The following PCDHA1 variants were observed in gnomAD, a reference collection of about 807,000 sequenced individuals.
The protein encoded by PCDHA1 is protocadherin alpha 1.
Under a neutral mutation model 61.3 loss-of-function variants are expected in PCDHA1, and 42 were observed. That is an observed-to-expected ratio of 0.69 (90% CI 0.54 to 0.89). The LOEUF (loss-of-function observed/expected upper bound fraction) is 0.89, where lower values mean the gene tolerates loss of function less well. Among genes scored for constraint, PCDHA1 ranks in the 40% least tolerant of loss-of-function variants. PCDHA1 has a pLI of 0.00. For missense variants in PCDHA1, 1,256 were observed against 1,235.3 expected, an observed-to-expected ratio of 1.02 and a Z score of -0.25; for synonymous variants, 610 against 553.8, an observed-to-expected ratio of 1.10 and a Z score of -1.43.
chr5:140,869,511 A>T (rs1160788033), intron 1 of PCDHA1: 4 of 1,614,076 alleles, frequency 2.5e-6, no homozygotes, highest in Non-Finnish European at 2.5e-6. Context: ...TCTCGCTCAG[A>T]GAACAAAAGC....
intron 1 of PCDHA1, chr5:140,795,816 T>C: frequency 1.9e-6 from 3 of 1,613,268 alleles, no homozygotes; most frequent in Non-Finnish European, 2.5e-6. Context: ...TCGGTAGTGA[T>C]GTGTCCTCCA....
At chr5:140,870,981 C>T (rs372420484) in intron 1 of PCDHA1, 72 of 1,613,472 alleles carry the variant, frequency 4.5e-5, no homozygotes, top group Non-Finnish European at 5.9e-5. Context: ...TGGGGCTGTA[C>T]ACGGGCGAGA....
intron 1 of PCDHA1, among the ~76,000 whole-genome samples, chr5:140,975,937 A>C (rs2096690423): frequency 1.3e-5 from 2 of 152,194 alleles, no homozygotes; most frequent in South Asian, 2.1e-4. Context: ...CTTTGAAGCA[A>C]TAGGACATAT....
At chr5:140,980,858 A>T (rs2096908934) in intron 2 of PCDHA1, among the ~76,000 whole-genome samples, 2 of 152,162 alleles carry the variant, frequency 1.3e-5, no homozygotes, top group Admixed American at 1.3e-4. Flanking sequence ...TCTTTTTCGT[A>T]TGTGTGCTTG....
chr5:141,009,584 A>G, intron 3 of PCDHA1, 43 bp from the exon 4 acceptor site: 1 of 1,592,004 alleles, frequency 6.3e-7, no homozygotes, highest in Non-Finnish European at 8.6e-7. Context: ...CATCAAGAGC[A>G]TGTGTTGACC....
intron 1 of PCDHA1, chr5:140,827,840 A>C: frequency 2.2e-6 from 1 of 457,334 alleles, no homozygotes; most frequent in Non-Finnish European, 3.8e-6. Flanking sequence ...AGAAAAGAAG[A>C]TACTGTTTTA....
intron 1 of PCDHA1, chr5:140,803,088 A>T: frequency 6.2e-7 from 1 of 1,613,866 alleles, no homozygotes; most frequent in Non-Finnish European, 8.5e-7. Flanking sequence ...CACGGGAGAG[A>T]TCAGCACGAC....
intron 1 of PCDHA1, chr5:140,848,493 G>A (rs2150411274): frequency 7.0e-6 from 11 of 1,576,596 alleles, no homozygotes; most frequent in Middle Eastern, 3.4e-4. Context: ...CTGAGTATTT[G>A]AAATGTTATA....
chr5:140,842,977 G>A (rs2150349031), intron 1 of PCDHA1: 2 of 1,595,034 alleles, frequency 1.3e-6, no homozygotes, highest in East Asian at 2.2e-5. Flanking sequence ...TGACGCTGCA[G>A]GTGTTCGTGC....
intron 1 of PCDHA1, chr5:140,822,002 T>A (rs2150112881): frequency 6.2e-7 from 1 of 1,614,048 alleles, no homozygotes; most frequent in Non-Finnish European, 8.5e-7. Context: ...CTTCTGGAGG[T>A]AAATCTGCAG....
At chr5:140,943,761 A>T (rs1219179710) in intron 1 of PCDHA1, among the ~76,000 whole-genome samples, 1 of 152,248 alleles carries the variant, frequency 6.6e-6, no homozygotes, top group Non-Finnish European at 1.5e-5. Context: ...TAGGAGATGT[A>T]GGAAAAAAAC....
At chr5:140,829,347 C>T in intron 1 of PCDHA1, 5 of 1,614,232 alleles carry the variant, frequency 3.1e-6, no homozygotes, top group Non-Finnish European at 4.2e-6. Flanking sequence ...GAGAGCGTGT[C>T]GGCCTATGAG....
chr5:140,974,182 A>G (rs2096618692), intron 1 of PCDHA1, among the ~76,000 whole-genome samples: 1 of 152,248 alleles, frequency 6.6e-6, no homozygotes, highest in Non-Finnish European at 1.5e-5. Context: ...AACTTGACAA[A>G]TGCAAAGGAA....
intron 1 of PCDHA1, chr5:140,857,957 G>T (rs2045052132): frequency 6.3e-7 from 1 of 1,597,294 alleles, no homozygotes; most frequent in African/African-American, 1.3e-5. Flanking sequence ...GCGCGCTCTG[G>T]ATGAGACTGA....
rs377533105 is a variant in PCDHA1 at position 140,787,450 on chromosome 5, G to A, written c.1160G>A (p.Cys387Tyr). The change falls in exon 1 of 4, where the codon TGC becomes TAC. Residue 387 changes from cysteine (C) to tyrosine (Y), a missense_variant. Transcript: ENST00000504120. ...TCAGGTGCCAACGGGCAGGTGACTT[G>A]CTCCTTAATGCCCCACGTCCCCTTC... is the stretch of plus-strand genomic sequence containing the variant. ...RDSGANGQVTCSLMPHVPFKL... is the reference protein window; with the variant it reads ...RDSGANGQVTYSLMPHVPFKL... 26 of 1,614,220 alleles carry A rather than the reference G, an allele frequency of 1.6e-5. No homozygotes were observed. In the African/African-American group the frequency reaches 2.9e-4, roughly 18 times the overall value.
At position 140,822,813 on chromosome 5, in the gene PCDHA1, C is replaced by A. The variant is rs1360535940; in HGVS notation, c.2394+34129C>A. 8 of 1,613,942 alleles carry A rather than the reference C, an allele frequency of 5.0e-6. No individual in the cohort carries two copies. The Middle Eastern group carries it at 4.9e-4, about 99-fold the overall frequency. On this transcript the variant is annotated intron_variant, in intron 1 of 3. Transcript: ENST00000504120. ...AACTCCTGGATGTGAATGATAATAC[C>A]CCAGAGATGGCCATAACCACCCTTT...
chr5:140,861,729 C>T (rs947423551), intron 1 of PCDHA1: 5 of 192,220 alleles, frequency 2.6e-5, no homozygotes, highest in Non-Finnish European at 5.3e-5. Context: ...GCTCTGATGA[C>T]TTACATACTG....
intron 1 of PCDHA1, chr5:140,871,192 G>T (rs1582019516): frequency 2.5e-6 from 4 of 1,613,668 alleles, no homozygotes; most frequent in Non-Finnish European, 3.4e-6. Flanking sequence ...GGATGTCAAC[G>T]TGTACCTGAT....
chr5:140,802,480 G>A (rs1466401935), intron 1 of PCDHA1: 2 of 1,614,188 alleles, frequency 1.2e-6, no homozygotes, highest in African/African-American at 2.7e-5. Flanking sequence ...GTGACTGCTC[G>A]GGACGGGGGC....
Sources: gnomAD v4.1 joint callset for allele counts (sites outside exome capture counted in the v4.1 genomes callset) on GRCh38, gnomAD v4.1.1 for gene constraint, MANE v1.5 for transcripts, NCBI Gene and HGNC (gene_info 2026-07-23, HGNC 2026-07-21) for gene names.